SPATA17: variants seen among roughly 807,000 people sequenced by gnomAD.
The protein encoded by SPATA17 is spermatogenesis-associated protein 17.
Under a neutral mutation model 62.2 loss-of-function variants are expected in SPATA17, and 53 were observed. The ratio of observed to expected loss-of-function variants is 0.85; its 90% CI spans 0.68 to 1.07. The LOEUF is 1.07. Among genes scored for constraint, SPATA17 ranks in the 50% least tolerant of loss-of-function variants. The pLI, the probability that SPATA17 is intolerant of heterozygous loss-of-function variation, is 0.00. For synonymous variants in SPATA17, 146 were observed against 146.8 expected (o/e 0.99, Z 0.04); for missense variants, 466 against 425.5 (o/e 1.10, Z -0.84).
At chr1:217,749,943 TTCTCTCTCTCTCTCTC>T (rs1188300100) in intron 6 of SPATA17, among the ~76,000 whole-genome samples, 5 of 41,454 alleles carry the variant, frequency 1.2e-4, no homozygotes, top group Admixed American at 3.1e-4. Flanking sequence ...TGTCATAAGA[TTCTCTCTCTCTCTCTC>T]TCTCTCTCTC....
chr1:217,720,862 C>T (rs1183069293), intron 5 of SPATA17, among the ~76,000 whole-genome samples: 2 of 151,988 alleles, frequency 1.3e-5, no homozygotes, highest in African/African-American at 4.8e-5. Context: ...CACACTCCAG[C>T]GGAGAGGATG....
In SPATA17 at chr1:217,721,869, C is replaced by T. The variant is rs562175409; in HGVS notation, c.396-20106C>T. Among the ~76,000 whole-genome samples, 4 of 152,270 alleles carry T rather than the reference C, an allele frequency of 2.6e-5. No individual in the cohort carries two copies. In the East Asian group the frequency reaches 7.7e-4, roughly 29 times the overall value. On this transcript the variant is annotated intron_variant, in intron 5 of 10. Transcript: ENST00000366933. ...CAACCCAAGTAGGTAGGAACACACC[C>T]ATCTTTGGCATTCCTCTCAAACTAC... is the stretch of plus-strand genomic sequence containing the variant.
At chr1:217,725,284 C>T (rs1453730839) in intron 5 of SPATA17, among the ~76,000 whole-genome samples, 5 of 152,112 alleles carry the variant, frequency 3.3e-5, no homozygotes, top group African/African-American at 1.2e-4. Context: ...TCTTGTCAAC[C>T]TGTGCTGTCT....
chr1:217,816,947 A>G (rs1445765507), intron 9 of SPATA17, among the ~76,000 whole-genome samples: 3 of 152,056 alleles, frequency 2.0e-5, no homozygotes, highest in African/African-American at 4.8e-5. Context: ...TATTCTATGT[A>G]TCTAGTTTTC....
At position 217,766,450 on chromosome 1, in the gene SPATA17, T is replaced by A. The variant is rs190011221; in HGVS notation, c.520-7884T>A. The stretch of plus-strand genomic sequence containing the variant: ...TAACACTATACCACTTCATAGGTAG[T>A]ACAAGTACCTTATAATAACAAAATA... On this transcript the variant is annotated intron_variant, in intron 6 of 10. Coordinates refer to ENST00000366933, the MANE Select transcript of SPATA17 (RefSeq NM_138796.4). 3.5e-3 allele frequency among the ~76,000 whole-genome samples: 529 copies of A among 152,148 alleles called. 3 individuals carry two copies. Among genetic ancestry groups the A allele is most frequent in the Non-Finnish European group, 5.8e-3 (392 of 67,930 alleles).
intron 9 of SPATA17, among the ~76,000 whole-genome samples, chr1:217,837,277 A>G (rs768051843): frequency 1.3e-5 from 2 of 152,180 alleles, no homozygotes; most frequent in Admixed American, 6.6e-5. Flanking sequence ...ACTGTGGTCA[A>G]TATGCCCAGC....
intron 6 of SPATA17, among the ~76,000 whole-genome samples, chr1:217,770,978 A>AT (rs374042087): frequency 0.038 from 1,908 of 49,990 alleles, 314 homozygotes; most frequent in African/African-American, 0.069. Flanking sequence ...AACTCATTGC[A>AT]TTTTTTTTTT....
At chr1:217,794,401 C>T (rs191998245) in intron 8 of SPATA17, among the ~76,000 whole-genome samples, 3 of 152,090 alleles carry the variant, frequency 2.0e-5, no homozygotes, top group Admixed American at 1.3e-4. Context: ...CAAAAGCTTG[C>T]ACAGTAATTT....
chr1:217,726,849 C>G (rs189134659), intron 5 of SPATA17, among the ~76,000 whole-genome samples: 1 of 151,970 alleles, frequency 6.6e-6, no homozygotes, highest in African/African-American at 2.4e-5. Flanking sequence ...TATTATTATG[C>G]TTTCCTTAAA....
chr1:217,757,804 G>A (rs1673084743), intron 6 of SPATA17, among the ~76,000 whole-genome samples: 1 of 152,174 alleles, frequency 6.6e-6, no homozygotes, highest in South Asian at 2.1e-4. Context: ...TCATTACGTT[G>A]TAGGCTTAAA....
At chr1:217,840,930 T>C (rs55884160) in intron 9 of SPATA17, among the ~76,000 whole-genome samples, 4,826 of 152,050 alleles carry the variant, frequency 0.032, 112 homozygotes, top group Middle Eastern at 0.068. Flanking sequence ...TGAGGAAATA[T>C]ATGTGGATAT....
Position 217,800,004 on chromosome 1 carries a change from T to C in SPATA17, c.873-1714T>C, listed in dbSNP as rs74142807. On this transcript the variant is annotated intron_variant, in intron 8 of 10. Coordinates refer to ENST00000366933, the MANE Select transcript of SPATA17 (RefSeq NM_138796.4). ...AAAAAAGCATCCAACTTTTATTTCATTAATACCGTATCTCCTTTGATTATA... is the reference window on the plus strand; with the variant it reads ...AAAAAAGCATCCAACTTTTATTTCACTAATACCGTATCTCCTTTGATTATA... Among the ~76,000 whole-genome samples the C allele has an allele frequency of 8.7e-3, 1,322 of 152,274 alleles. 17 individuals carry two copies. The highest frequency in any genetic ancestry group is 0.03 in the African/African-American group (1,252 of 41,568).
intron 6 of SPATA17, among the ~76,000 whole-genome samples, chr1:217,762,861 A>G (rs1181150044): frequency 6.6e-6 from 1 of 152,160 alleles, no homozygotes; most frequent in African/African-American, 2.4e-5. Flanking sequence ...ATTCCCAGCT[A>G]CTGGGGAGGC....
At chr1:217,643,137 C>T (rs762407986) in intron 1 of SPATA17, among the ~76,000 whole-genome samples, 23 of 152,146 alleles carry the variant, frequency 1.5e-4, no homozygotes, top group Non-Finnish European at 2.9e-4. Context: ...ACATTGACTA[C>T]TCTATTTCAG....
rs113542781 is a variant in SPATA17, at chr1:217,650,890, A to G, written c.159-207A>G. On this transcript the variant is annotated intron_variant, in intron 2 of 10. Coordinates refer to ENST00000366933, the MANE Select transcript of SPATA17 (RefSeq NM_138796.4). The stretch of plus-strand genomic sequence containing the variant: ...AAGTATTGTGTAATAATAAGCCCCA[A>G]AGAAATAACAAATAGTTACCAATGC... Among the ~76,000 whole-genome samples the G allele has an allele frequency of 3.8e-4, 58 of 152,344 alleles. 1 individual carries two copies. The highest frequency in any genetic ancestry group is 1.2e-3 in the African/African-American group (51 of 41,584).
At chr1:217,739,869 A>G (rs1056117977) in intron 5 of SPATA17, among the ~76,000 whole-genome samples, 1 of 152,148 alleles carries the variant, frequency 6.6e-6, no homozygotes, top group Non-Finnish European at 1.5e-5. Context: ...ACTTTTTTCA[A>G]TAATTGGATG....
intron 5 of SPATA17, among the ~76,000 whole-genome samples, chr1:217,740,636 C>T (rs1672606720): frequency 2.0e-5 from 3 of 152,078 alleles, no homozygotes; most frequent in South Asian, 4.1e-4. Context: ...GGTTACTTAG[C>T]GATTAATAAT....
chr1:217,798,595 A>G (rs1421511979), intron 8 of SPATA17, among the ~76,000 whole-genome samples: 3 of 152,200 alleles, frequency 2.0e-5, no homozygotes, highest in African/African-American at 7.2e-5. Context: ...GTTTAGAGAG[A>G]GGAATGTGAT....
At chr1:217,785,790 A>G (rs1182742678) in intron 8 of SPATA17, among the ~76,000 whole-genome samples, 1 of 152,206 alleles carries the variant, frequency 6.6e-6, no homozygotes, top group East Asian at 1.9e-4. Context: ...CTGGTAGGTT[A>G]TAGCTGTTAG....
Sources: gnomAD v4.1 joint callset for allele counts (sites outside exome capture counted in the v4.1 genomes callset) on GRCh38, gnomAD v4.1.1 for gene constraint, MANE v1.5 for transcripts, NCBI Gene and HGNC (gene_info 2026-07-23, HGNC 2026-07-21) for gene names.